CADM2: variants seen among roughly 807,000 people sequenced by gnomAD.
The protein encoded by CADM2 is cell adhesion molecule 2.
Under a neutral mutation model 49.8 loss-of-function variants are expected in CADM2, and 12 were observed. The observed-to-expected ratio is 0.24, with a 90% CI of 0.15 to 0.39. The LOEUF (loss-of-function observed/expected upper bound fraction) is 0.39, where lower values mean the gene tolerates loss of function less well. Ranked by LOEUF, CADM2 falls within the 10% of genes least tolerant of loss-of-function variation. The probability of loss-of-function intolerance (pLI) is 1.00; values close to 1 mark genes in which losing one functional copy is unlikely to be tolerated. For missense variants in CADM2, 378 were observed against 492.3 expected (o/e 0.77, Z 2.20); for synonymous variants, 214 against 175.4 (o/e 1.22, Z -1.74).
At chr3:85,659,614 T>A (rs2065336797) in intron 1 of CADM2, among the ~76,000 whole-genome samples, 2 of 152,148 alleles carry the variant, frequency 1.3e-5, no homozygotes, top group Non-Finnish European at 2.9e-5. Flanking sequence ...GATAAAGCTC[T>A]CCATAAATCC....
At position 85,705,527 on chromosome 3, in the gene CADM2, G is replaced by A. The variant is rs1360828286; in HGVS notation, c.62-20995G>A. The stretch of plus-strand genomic sequence containing the variant: ...CACTGTATAGACAATTTTAATAAAA[G>A]TATGTAGATCATCTGTTGAGAATGT... On this transcript the variant is annotated intron_variant, in intron 1 of 9. Transcript: ENST00000383699. Among the ~76,000 whole-genome samples, 3 of 152,296 alleles carry A rather than the reference G, an allele frequency of 2.0e-5. No homozygotes were observed. In the East Asian group the frequency reaches 5.8e-4, roughly 29 times the overall value.
chr3:86,054,442 G>A (rs924367004), intron 8 of CADM2, among the ~76,000 whole-genome samples: 5 of 151,990 alleles, frequency 3.3e-5, no homozygotes, highest in African/African-American at 1.2e-4. Flanking sequence ...TGTGTCTAGT[G>A]TATTGGCTCA....
intron 8 of CADM2, among the ~76,000 whole-genome samples, chr3:85,996,463 A>T (rs1729434742): frequency 6.6e-6 from 1 of 151,864 alleles, no homozygotes; most frequent in African/African-American, 2.4e-5. Flanking sequence ...TAGTTGCAAA[A>T]TTGGAACTAA....
chr3:85,730,439 CTAAATAA>C (rs1337040941), intron 2 of CADM2, among the ~76,000 whole-genome samples: 1 of 97,150 alleles, frequency 1.0e-5, no homozygotes, highest in African/African-American at 5.2e-5. Context: ...CAGACTCTGT[CTAAATAA>C]AATAAAATAA....
Position 85,098,497 on chromosome 3 carries a change from T to G in CADM2, c.61+138829T>G, listed in dbSNP as rs1419558016. ...GGATTAGATGATATCAAAAATTGCC[T>G]TCCAACTATTATAGACTGAATTTGG... On this transcript the variant is annotated intron_variant, in intron 1 of 9. Transcript: ENST00000383699. Among the ~76,000 whole-genome samples the G allele has an allele frequency of 2.0e-5, 3 of 152,196 alleles. No individual in the cohort carries two copies. In the East Asian group the frequency reaches 5.8e-4, roughly 29 times the overall value.
At chr3:85,558,937 C>G (rs1056564126) in intron 1 of CADM2, among the ~76,000 whole-genome samples, 2 of 152,004 alleles carry the variant, frequency 1.3e-5, no homozygotes, top group Non-Finnish European at 2.9e-5. Context: ...TTCAAACAGA[C>G]AGCAAGCCAA....
intron 1 of CADM2, among the ~76,000 whole-genome samples, chr3:85,144,681 A>G (rs1036470449): frequency 1.5e-4 from 23 of 152,030 alleles, no homozygotes; most frequent in African/African-American, 5.6e-4. Context: ...ATGGAATAAG[A>G]CTTGGCAAAT....
intron 8 of CADM2, among the ~76,000 whole-genome samples, chr3:86,044,264 G>C (rs1265571132): frequency 1.3e-5 from 2 of 152,158 alleles, no homozygotes; most frequent in Non-Finnish European, 2.9e-5. Context: ...TACCATCAGA[G>C]TGAACAGGCA....
intron 1 of CADM2, among the ~76,000 whole-genome samples, chr3:85,324,558 T>C (rs779745883): frequency 1.4e-4 from 22 of 152,136 alleles, no homozygotes; most frequent in Non-Finnish European, 2.2e-4. Context: ...TCATTAAAAA[T>C]GTACATATAT....
chr3:86,045,599 C>CTGT (rs1736567598), intron 8 of CADM2, among the ~76,000 whole-genome samples: 1 of 152,112 alleles, frequency 6.6e-6, no homozygotes. Flanking sequence ...TTGTTTTTAG[C>CTGT]TGTTTCCACC....
chr3:85,520,900 T>A (rs977128310), intron 1 of CADM2, among the ~76,000 whole-genome samples: 2 of 152,056 alleles, frequency 1.3e-5, no homozygotes, highest in Non-Finnish European at 2.9e-5. Flanking sequence ...CTTCTTAGTA[T>A]ACTAAACTGT....
At chr3:85,618,612 C>T (rs540366253) in intron 1 of CADM2, among the ~76,000 whole-genome samples, 9 of 152,034 alleles carry the variant, frequency 5.9e-5, no homozygotes, top group African/African-American at 1.4e-4. Context: ...GGCTCACCTA[C>T]GTAATTCTTT....
intron 5 of CADM2, among the ~76,000 whole-genome samples, chr3:85,907,676 C>T (rs994761457): frequency 3.3e-5 from 5 of 152,110 alleles, no homozygotes; most frequent in African/African-American, 2.4e-5. Context: ...TTTGGGAGGC[C>T]GTGGCAGGCA....
At chr3:85,607,080 T>A (rs574829828) in intron 1 of CADM2, among the ~76,000 whole-genome samples, 15 of 152,160 alleles carry the variant, frequency 9.9e-5, no homozygotes, top group African/African-American at 3.6e-4. Context: ...ACATTAAAAT[T>A]TATAGAGCTA....
intron 1 of CADM2, among the ~76,000 whole-genome samples, chr3:85,601,130 G>GTGTGTGTGTGTGTA (rs1328015269): frequency 7.3e-5 from 8 of 109,626 alleles, no homozygotes; most frequent in African/African-American, 2.8e-4. Context: ...ATATATGTGT[G>GTGTGTGTGTGTGTA]TATATATATA....
chr3:85,240,908 G>T (rs554109154), intron 1 of CADM2, among the ~76,000 whole-genome samples: 3 of 151,474 alleles, frequency 2.0e-5, no homozygotes, highest in South Asian at 4.1e-4. Context: ...TTTTGATACA[G>T]GCATACAATG....
chr3:85,602,714 G>A (rs975529115), intron 1 of CADM2, among the ~76,000 whole-genome samples: 1 of 151,750 alleles, frequency 6.6e-6, no homozygotes, highest in Non-Finnish European at 1.5e-5. Context: ...TTTGGTGAAA[G>A]TGTCATCAAC....
chr3:85,413,625 G>A (rs2035779891), intron 1 of CADM2, among the ~76,000 whole-genome samples: 1 of 152,266 alleles, frequency 6.6e-6, no homozygotes, highest in East Asian at 1.9e-4. Flanking sequence ...AGAGAGGGCG[G>A]CAGGGAGCCA....
chr3:85,305,341 C>T (rs2044188074), intron 1 of CADM2, among the ~76,000 whole-genome samples: 1 of 151,552 alleles, frequency 6.6e-6, no homozygotes. Context: ...CATTACTCTT[C>T]TCTTTCTGTT....
Sources: allele counts gnomAD v4.1 joint callset (sites outside exome capture counted in the v4.1 genomes callset), GRCh38; gene constraint gnomAD v4.1.1; transcripts MANE v1.5; gene names NCBI Gene and HGNC (gene_info 2026-07-23, HGNC 2026-07-21).